The following UXS1 variants were observed in gnomAD, a reference collection of about 807,000 sequenced individuals.
UXS1 encodes the protein UDP-glucuronic acid decarboxylase 1.
Under a neutral mutation model 62.6 loss-of-function variants are expected in UXS1, and 33 were observed. The observed-to-expected ratio is 0.53, with a 90% confidence interval of 0.40 to 0.70. UXS1 has a LOEUF of 0.70. Ranked by LOEUF, UXS1 falls within the 30% of genes least tolerant of loss-of-function variation. The pLI, the probability that UXS1 is intolerant of heterozygous loss-of-function variation, is 0.00. For missense variants in UXS1, 434 were observed against 556.3 expected (o/e 0.78, Z 2.21); for synonymous variants, 213 against 206.8 (o/e 1.03, Z -0.26).
At chr2:106,140,860 T>C (rs1452800148) in intron 6 of UXS1, among the ~76,000 whole-genome samples, 1 of 152,184 alleles carries the variant, frequency 6.6e-6, no homozygotes, top group Non-Finnish European at 1.5e-5. Context: ...CATTTCTGCC[T>C]TTTCCTGTTC....
chr2:106,123,129 CT>C, intron 8 of UXS1, 38 bp from the exon 9 acceptor site: 1 of 1,611,456 alleles, frequency 6.2e-7, no homozygotes, highest in Non-Finnish European at 8.5e-7. Context: ...TTCATCTTTC[CT>C]TTTTCCAGTT....
chr2:106,152,559 AAAGG>A (rs1682116001), intron 5 of UXS1, among the ~76,000 whole-genome samples: 1 of 69,326 alleles, frequency 1.4e-5, no homozygotes, highest in Non-Finnish European at 3.9e-5. Flanking sequence ...AGGGAGAAAG[AAAGG>A]AAGGAAAGGA....
chr2:106,157,945 A>C (rs904877392), intron 5 of UXS1, 113 bp downstream of exon 5: 19 of 926,990 alleles, frequency 2.0e-5, no homozygotes, highest in Non-Finnish European at 3.1e-5. Context: ...ACATACTATA[A>C]GCCACTGAAT....
chr2:106,176,225 T>C (rs1007250490), intron 1 of UXS1, among the ~76,000 whole-genome samples: 3 of 151,938 alleles, frequency 2.0e-5, no homozygotes, highest in African/African-American at 7.3e-5. Flanking sequence ...CAAGTGTACA[T>C]AGGAAAGATG....
At chr2:106,171,893 C>T (rs941285699) in intron 1 of UXS1, among the ~76,000 whole-genome samples, 3 of 152,250 alleles carry the variant, frequency 2.0e-5, no homozygotes, top group Non-Finnish European at 4.4e-5. Context: ...CTATGTAACA[C>T]TGTATGTAAG....
intron 5 of UXS1, among the ~76,000 whole-genome samples, chr2:106,154,459 C>T (rs1286051827): frequency 1.3e-5 from 2 of 152,172 alleles, no homozygotes; most frequent in African/African-American, 2.4e-5. Flanking sequence ...TAATCCAATA[C>T]TAAAGGCATG....
In UXS1 at chr2:106,139,817, C is replaced by T. The variant is rs188636752; in HGVS notation, c.472+5373G>A. ...ACTAAAGACTATAGAAACACTAAAA[C>T]GCAAAACAGTGGGTTAGTTCTTTCT... On this transcript the variant is annotated intron_variant, in intron 6 of 14. Coordinates refer to ENST00000283148, the MANE Select transcript of UXS1 (RefSeq NM_001253875.2). 5.9e-5 allele frequency among the ~76,000 whole-genome samples: 9 copies of T among 152,254 alleles called. No individual in the cohort carries two copies. In the East Asian group the frequency reaches 1.5e-3, roughly 26 times the overall value.
Position 106,150,529 on chromosome 2 carries a change from C to T in UXS1, c.292-5159G>A, listed in dbSNP as rs79653781. The stretch of plus-strand genomic sequence containing the variant: ...TCCTCAGCCAGCACAGCTGTGGCTC[C>T]GGCCAGTCCAGGTGCAGCTCAAGCT... On this transcript the variant is annotated intron_variant, in intron 5 of 14. Transcript: ENST00000283148. Among the ~76,000 whole-genome samples, 374 of 152,336 alleles carry T rather than the reference C, an allele frequency of 2.5e-3. 1 individual carries two copies. Among genetic ancestry groups the T allele is most frequent in the African/African-American group, 6.3e-3 (263 of 41,574 alleles).
At chr2:106,124,791 G>C (rs1390472312) in intron 8 of UXS1, among the ~76,000 whole-genome samples, 1 of 152,116 alleles carries the variant, frequency 6.6e-6, no homozygotes, top group Non-Finnish European at 1.5e-5. Context: ...CCTTTTCATA[G>C]AGATTACAAA....
chr2:106,153,544 A>AAATG (rs1682199551), intron 5 of UXS1, among the ~76,000 whole-genome samples: 1 of 152,160 alleles, frequency 6.6e-6, no homozygotes, highest in South Asian at 2.1e-4. Flanking sequence ...ATAAATAAAT[A>AAATG]AATAAAATAA....
At chr2:106,097,045 G>T (rs1347641099) in intron 13 of UXS1, 1 of 663,800 alleles carries the variant, frequency 1.5e-6, no homozygotes, top group Non-Finnish European at 2.8e-6. Flanking sequence ...GTGTGCAGGC[G>T]CCCAGCAAGA....
chr2:106,145,759 T>C (rs1213431648), intron 5 of UXS1, among the ~76,000 whole-genome samples: 1 of 152,080 alleles, frequency 6.6e-6, no homozygotes, highest in Non-Finnish European at 1.5e-5. Flanking sequence ...AAAATTACTT[T>C]ATAGAAAAAA....
intron 1 of UXS1, among the ~76,000 whole-genome samples, chr2:106,173,469 G>A (rs952676765): frequency 4.6e-5 from 7 of 152,082 alleles, no homozygotes; most frequent in South Asian, 2.1e-4. Context: ...TGGGAGAATC[G>A]CTTGAGCCCA....
intron 9 of UXS1, among the ~76,000 whole-genome samples, chr2:106,119,536 G>A (rs951538579): frequency 1.3e-5 from 2 of 152,264 alleles, no homozygotes; most frequent in East Asian, 1.9e-4. Flanking sequence ...CTGCTCTCTC[G>A]CAACACCCAC....
At chr2:106,177,471 T>C (rs1159289179) in intron 1 of UXS1, among the ~76,000 whole-genome samples, 1 of 152,182 alleles carries the variant, frequency 6.6e-6, no homozygotes, top group African/African-American at 2.4e-5. Context: ...GATGGGATTA[T>C]AGGCGTGAGC....
intron 2 of UXS1, among the ~76,000 whole-genome samples, chr2:106,165,315 T>C (rs1003350365): frequency 5.3e-5 from 8 of 152,100 alleles, no homozygotes; most frequent in Non-Finnish European, 1.2e-4. Context: ...CAACTCCACA[T>C]GAAAAGCCTC....
chr2:106,192,542 C>A (rs566076411), intron 1 of UXS1, among the ~76,000 whole-genome samples: 2 of 129,312 alleles, frequency 1.5e-5, no homozygotes, highest in South Asian at 3.1e-4. Flanking sequence ...CTGAACAGAG[C>A]GAGACTCCGT....
At chr2:106,104,948 A>C in intron 10 of UXS1, 111 bp from the exon 11 acceptor site, 5 of 1,307,752 alleles carry the variant, frequency 3.8e-6, no homozygotes, top group Non-Finnish European at 5.5e-6. Context: ...CCCAGGGGGC[A>C]GTGATGCTGA....
chr2:106,172,804 C>A (rs1683648969), intron 1 of UXS1, among the ~76,000 whole-genome samples: 1 of 152,216 alleles, frequency 6.6e-6, no homozygotes, highest in African/African-American at 2.4e-5. Flanking sequence ...TTGCCCATCT[C>A]TCTGAATGTT....
Sources: gnomAD v4.1 joint callset for allele counts (sites outside exome capture counted in the v4.1 genomes callset) on GRCh38, gnomAD v4.1.1 for gene constraint, MANE v1.5 for transcripts, NCBI Gene and HGNC (gene_info 2026-07-23, HGNC 2026-07-21) for gene names.